The following PCDH11Y variants were observed in gnomAD, a reference collection of about 807,000 sequenced individuals.
PCDH11Y encodes the protein protocadherin-11 Y-linked.
For synonymous variants in PCDH11Y, 9 were observed against 83.6 expected, an observed-to-expected ratio of 0.11 and a Z score of 4.87; for missense variants, 12 against 224.8, an observed-to-expected ratio of 0.05 and a Z score of 6.05.
chrY:5,185,563 G>A (rs2052905460), intron 2 of PCDH11Y, among the ~76,000 whole-genome samples: 3 of 30,426 alleles, frequency 9.9e-5, no homozygotes, highest in African/African-American at 2.6e-4. Flanking sequence ...TATACATGTG[G>A]ATTTATTTCT....
chrY:5,199,274 T>A (rs2052924236), intron 2 of PCDH11Y, among the ~76,000 whole-genome samples: 1 of 30,863 alleles, frequency 3.2e-5, no homozygotes, highest in Non-Finnish European at 7.8e-5. Context: ...ATAATTTTAC[T>A]TGGGTTTCTT....
At chrY:5,166,427 G>A (rs2052879344) in intron 2 of PCDH11Y, among the ~76,000 whole-genome samples, 1 of 26,158 alleles carries the variant, frequency 3.8e-5, no homozygotes, top group African/African-American at 1.5e-4. Flanking sequence ...GTGCTTAAAA[G>A]AAATGATATA....
chrY:5,240,367 C>T, intron 2 of PCDH11Y, among the ~76,000 whole-genome samples: 4 of 32,592 alleles, frequency 1.2e-4, no homozygotes, highest in Non-Finnish European at 2.2e-4. Flanking sequence ...ATATTTTGAC[C>T]TCCTCCCATG....
intron 2 of PCDH11Y, among the ~76,000 whole-genome samples, chrY:5,179,656 T>C: frequency 5.9e-5 from 2 of 33,947 alleles, no homozygotes; most frequent in Admixed American, 2.7e-4. Flanking sequence ...TTTGCTATTG[T>C]AGCCATTGCT....
At chrY:5,399,561 C>T (rs2053230456) in intron 2 of PCDH11Y, among the ~76,000 whole-genome samples, 1 of 22,214 alleles carries the variant, frequency 4.5e-5, no homozygotes, top group East Asian at 1.1e-3. Flanking sequence ...AGTGCAATGG[C>T]GCGATCTCGG....
At chrY:5,107,815 T>C, downstream of PCDH11Y, among the ~76,000 whole-genome samples, 1 of 32,896 alleles carries the variant, frequency 3.0e-5, no homozygotes, top group Non-Finnish European at 7.5e-5. Context: ...ATCCCAGCAC[T>C]TTGGGAGGCC....
intron 4 of PCDH11Y, among the ~76,000 whole-genome samples, chrY:5,594,766 G>T: frequency 6.2e-5 from 2 of 32,331 alleles, no homozygotes; most frequent in Non-Finnish European, 1.5e-4. Context: ...AGACCAAGGG[G>T]TGCGCAGGTT....
At chrY:5,043,831 A>G in intron 3 of PCDH11Y, among the ~76,000 whole-genome samples, 1 of 33,116 alleles carries the variant, frequency 3.0e-5, no homozygotes, top group South Asian at 6.8e-4. Context: ...CTTCCGGTTT[A>G]GTCTTGGGAG....
chrY:5,038,662 C>A, intron 3 of PCDH11Y, among the ~76,000 whole-genome samples: 1 of 24,424 alleles, frequency 4.1e-5, no homozygotes, highest in Non-Finnish European at 9.4e-5. Flanking sequence ...TAAAACTGTG[C>A]ATTTTTGTTC....
At chrY:5,242,537 A>G (rs2124655648) in intron 2 of PCDH11Y, among the ~76,000 whole-genome samples, 1 of 25,084 alleles carries the variant, frequency 4.0e-5, no homozygotes, top group Non-Finnish European at 9.0e-5. Flanking sequence ...ACAAAATAGT[A>G]AATATTCAGA....
At chrY:5,168,110 A>G in intron 2 of PCDH11Y, among the ~76,000 whole-genome samples, 1 of 30,573 alleles carries the variant, frequency 3.3e-5, no homozygotes, top group Admixed American at 3.1e-4. Flanking sequence ...GTAGGCTGGA[A>G]GGGAAATATT....
chrY:5,533,469 A>C, intron 3 of PCDH11Y, among the ~76,000 whole-genome samples: 1 of 33,694 alleles, frequency 3.0e-5, no homozygotes, highest in Non-Finnish European at 7.4e-5. Flanking sequence ...TTTATTATTC[A>C]TCTTTCTCTT....
At chrY:5,644,737 G>A in intron 4 of PCDH11Y, among the ~76,000 whole-genome samples, 1 of 29,986 alleles carries the variant, frequency 3.3e-5, no homozygotes, top group Non-Finnish European at 7.9e-5. Context: ...GGGTGGCTGA[G>A]GCAGGAGAAT....
chrY:5,372,340 G>A (rs2053188253), intron 2 of PCDH11Y, among the ~76,000 whole-genome samples: 5 of 33,358 alleles, frequency 1.5e-4, no homozygotes, highest in South Asian at 6.8e-4. Context: ...AAAGGAAAAC[G>A]TCTTCACTGA....
intron 2 of PCDH11Y, among the ~76,000 whole-genome samples, chrY:5,235,730 C>T (rs2124654351): frequency 3.0e-5 from 1 of 33,752 alleles, no homozygotes; most frequent in Admixed American, 2.7e-4. Flanking sequence ...TGAACATACA[C>T]ATGAATGCAT....
At chrY:5,300,886 A>G (rs2053081189) in intron 2 of PCDH11Y, among the ~76,000 whole-genome samples, 23 of 34,443 alleles carry the variant, frequency 6.7e-4, no homozygotes, top group Non-Finnish European at 1.5e-3. Context: ...GAGAAAACCA[A>G]TGAGAGACCA....
rs373854033 is a variant in PCDH11Y, at chrY:5,089,354, C to T, written c.637-8861C>T. Among the ~76,000 whole-genome samples the T allele has an allele frequency of 3.0e-4, 10 of 32,887 alleles. No homozygotes were observed. In the East Asian group the frequency reaches 4.9e-3, roughly 16 times the overall value. 88.2% of individuals were successfully genotyped at this position (32,887 alleles called of 37,273 possible). Reference sequence around the variant, plus strand: ...CCCAAGTTTGCTGCCTCTCCCATGCCATCCTTCAGCTTCCCAGCCCTGCCT... The same window carrying T: ...CCCAAGTTTGCTGCCTCTCCCATGCTATCCTTCAGCTTCCCAGCCCTGCCT... On this transcript the variant is annotated intron_variant, in intron 1 of 1. Coordinates refer to ENST00000215473, the Ensembl canonical transcript of PCDH11Y.
intron 1 of PCDH11Y, among the ~76,000 whole-genome samples, chrY:5,007,943 GT>G (rs2052542196): frequency 2.1e-4 from 7 of 33,049 alleles, no homozygotes; most frequent in African/African-American, 3.5e-4. Context: ...TCAAAGACAA[GT>G]ATATTCAAAT....
chrY:5,225,603 G>A (rs2124653032), intron 2 of PCDH11Y, among the ~76,000 whole-genome samples: 2 of 24,513 alleles, frequency 8.2e-5, no homozygotes, highest in Admixed American at 8.1e-4. Context: ...AAATCTTGTT[G>A]ATATACTGAT....
Sources: allele counts gnomAD v4.1 joint callset (sites outside exome capture counted in the v4.1 genomes callset), GRCh38; gene constraint gnomAD v4.1.1; transcripts MANE v1.5; gene names NCBI Gene and HGNC (gene_info 2026-07-23, HGNC 2026-07-21).